Variants in AGTPBP1 observed in about 807,000 individuals in gnomAD.
The protein encoded by AGTPBP1 is cytosolic carboxypeptidase 1.
Under a neutral mutation model 143.9 loss-of-function variants are expected in AGTPBP1, and 70 were observed. The observed-to-expected ratio is 0.49, with a 90% CI of 0.40 to 0.59. AGTPBP1 has a LOEUF of 0.59. AGTPBP1 is among the 20% of genes least tolerant of loss of function. The probability of loss-of-function intolerance (pLI) is 0.00; values close to 1 mark genes in which losing one functional copy is unlikely to be tolerated. For synonymous variants in AGTPBP1, 463 were observed against 500.2 expected (o/e 0.93, Z 0.99); for missense variants, 1,229 against 1,464.5 (o/e 0.84, Z 2.62).
At chr9:85,574,382 CT>C (rs1279377999) in intron 25 of AGTPBP1, among the ~76,000 whole-genome samples, 3 of 151,222 alleles carry the variant, frequency 2.0e-5, no homozygotes, top group Non-Finnish European at 4.4e-5. Flanking sequence ...CCCTTGTTCA[CT>C]TGTTTATCTG....
chr9:85,736,455 A>G (rs1823776106), intron 1 of AGTPBP1, among the ~76,000 whole-genome samples: 1 of 152,184 alleles, frequency 6.6e-6, no homozygotes, highest in South Asian at 2.1e-4. Flanking sequence ...TGGCTATTCG[A>G]AAGTATATAT....
chr9:85,713,434 G>A (rs544462362), intron 1 of AGTPBP1, among the ~76,000 whole-genome samples: 19 of 152,330 alleles, frequency 1.2e-4, no homozygotes, highest in African/African-American at 4.3e-4. Context: ...AGGAGGCTGA[G>A]ACAGGAGAAT....
At chr9:85,646,984 G>A (rs1464796724) in intron 11 of AGTPBP1, among the ~76,000 whole-genome samples, 3 of 152,022 alleles carry the variant, frequency 2.0e-5, no homozygotes, top group African/African-American at 7.2e-5. Context: ...ATTGTTTTAA[G>A]AAAATTTATG....
chr9:85,789,078 C>T, the AGTPBP1 span, among the ~76,000 whole-genome samples: 29 of 150,748 alleles, frequency 1.9e-4, no homozygotes, highest in Admixed American at 1.4e-3. Flanking sequence ...TATATCAAAA[C>T]AACGATTAGG....
At chr9:85,687,292 T>C (rs1835542797) in intron 3 of AGTPBP1, among the ~76,000 whole-genome samples, 1 of 152,154 alleles carries the variant, frequency 6.6e-6, no homozygotes, top group South Asian at 2.1e-4. Context: ...TTTTAACACC[T>C]AACTCTTAAT....
chr9:85,665,064 G>C (rs998452145), intron 8 of AGTPBP1, among the ~76,000 whole-genome samples: 1 of 152,180 alleles, frequency 6.6e-6, no homozygotes, highest in East Asian at 1.9e-4. Context: ...GTTAATCACT[G>C]TTATGGGTTG....
In AGTPBP1 at chr9:85,677,352, A is replaced by T. The variant is rs1834893068; in HGVS notation, c.436+84T>A. 5.6e-6 allele frequency: 7 copies of T among 1,256,750 alleles called. No individual in the cohort carries two copies. In the Admixed American group the frequency reaches 1.2e-4, roughly 21 times the overall value. 77.8% of individuals were successfully genotyped at this position (1,256,750 alleles called of 1,614,324 possible). On this transcript the variant is annotated intron_variant, in intron 6 of 25. Coordinates refer to ENST00000357081, the MANE Select transcript of AGTPBP1 (RefSeq NM_001330701.2). ...GAAATTTAAAATAAATAACATTTTT[A>T]AAAACTGAGTAGTTACAAGGTGAGA...
chr9:85,581,442 G>A (rs180744326), intron 23 of AGTPBP1, among the ~76,000 whole-genome samples: 126 of 152,286 alleles, frequency 8.3e-4, no homozygotes, highest in Non-Finnish European at 1.4e-3. Context: ...AAATTCATAT[G>A]AAGGCTATAA....
At chr9:85,692,569 C>T (rs567076590) in intron 3 of AGTPBP1, 120 bp downstream of exon 3, 174 of 1,268,098 alleles carry the variant, frequency 1.4e-4, no homozygotes, top group Non-Finnish European at 1.7e-4. Context: ...CCACCACACC[C>T]GGCCTGAAAG....
At chr9:85,738,199 CT>C (rs1241309397) in intron 1 of AGTPBP1, among the ~76,000 whole-genome samples, 1 of 152,024 alleles carries the variant, frequency 6.6e-6, no homozygotes, top group Non-Finnish European at 1.5e-5. Context: ...TTCACAAAAG[CT>C]TTTTGGGGAT....
intron 14 of AGTPBP1, among the ~76,000 whole-genome samples, chr9:85,624,734 T>G (rs943173719): frequency 3.9e-5 from 6 of 152,210 alleles, no homozygotes; most frequent in Non-Finnish European, 8.8e-5. Context: ...AAATCAAGTA[T>G]GATATAAAAG....
In AGTPBP1 at chr9:85,619,037, C is replaced by A; in HGVS notation, c.2281G>T (p.Ala761Ser). The A allele has an allele frequency of 6.2e-7, 1 of 1,613,874 alleles. No individual in the cohort carries two copies. The highest frequency in any genetic ancestry group is 8.5e-7 in the Non-Finnish European group (1 of 1,179,866). The change falls in exon 17 of 26, where the codon GCT (alanine) becomes TCT (serine). Residue 761 changes from alanine to serine, a missense_variant. Ala to Ser is a moderately conservative substitution (Grantham distance 99). Transcript: ENST00000357081. ...FEVSGMRPGV[A>S]YRFNIINCEK... Reference sequence around the variant, plus strand: ...CAGTTAATGATGTTAAACCTGTAAGCAACACCTGGTCGCATTCCACTGACT... The same window carrying A: ...CAGTTAATGATGTTAAACCTGTAAGAAACACCTGGTCGCATTCCACTGACT...
At chr9:85,710,787 A>T (rs947495559) in intron 2 of AGTPBP1, among the ~76,000 whole-genome samples, 1 of 152,204 alleles carries the variant, frequency 6.6e-6, no homozygotes, top group Non-Finnish European at 1.5e-5. Context: ...ACTAAAAGTA[A>T]TTTCACATTT....
chr9:85,718,680 C>T (rs1003010362), intron 1 of AGTPBP1, among the ~76,000 whole-genome samples: 1 of 152,138 alleles, frequency 6.6e-6, no homozygotes, highest in East Asian at 1.9e-4. Context: ...TTAATTAGAT[C>T]CCATTTGTCA....
chr9:85,747,021 T>A (rs937942019), upstream of AGTPBP1, among the ~76,000 whole-genome samples: 6 of 148,174 alleles, frequency 4.0e-5, no homozygotes, highest in Admixed American at 1.3e-4. Context: ...ACCTGGCTAA[T>A]TTTTTTTTTC....
At chr9:85,564,736 T>C (rs1001197767) in intron 25 of AGTPBP1, among the ~76,000 whole-genome samples, 1 of 152,246 alleles carries the variant, frequency 6.6e-6, no homozygotes, top group African/African-American at 2.4e-5. Context: ...CTATATGATA[T>C]TCATACGATG....
chr9:85,658,119 T>C (rs1271378350), intron 9 of AGTPBP1, among the ~76,000 whole-genome samples: 1 of 152,124 alleles, frequency 6.6e-6, no homozygotes, highest in South Asian at 2.1e-4. Context: ...GTAGCTTCTA[T>C]TGCAAACTTT....
chr9:85,781,694 T>C, the AGTPBP1 span, among the ~76,000 whole-genome samples: 1 of 152,186 alleles, frequency 6.6e-6, no homozygotes, highest in Non-Finnish European at 1.5e-5. Context: ...GCCTTCTGAT[T>C]ATCACAAAAA....
intron 25 of AGTPBP1, among the ~76,000 whole-genome samples, chr9:85,560,261 T>C (rs915832999): frequency 2.0e-5 from 3 of 152,130 alleles, no homozygotes; most frequent in Non-Finnish European, 2.9e-5. Flanking sequence ...CCTAGAAAAG[T>C]TCAGCAATTA....
Sources: gnomAD v4.1 joint callset for allele counts (sites outside exome capture counted in the v4.1 genomes callset) on GRCh38, gnomAD v4.1.1 for gene constraint, MANE v1.5 for transcripts, NCBI Gene and HGNC (gene_info 2026-07-23, HGNC 2026-07-21) for gene names.